Variants in DIABLO observed in about 807,000 individuals in gnomAD.
DIABLO encodes diablo homolog, mitochondrial.
A neutral mutation model predicts 31.7 loss-of-function variants in DIABLO; 32 were observed. That is an observed-to-expected ratio of 1.01 (90% CI 0.76 to 1.35). The LOEUF is 1.35. Ranked by LOEUF, DIABLO falls within the 40% of genes most tolerant of loss-of-function variation. The pLI, the probability that DIABLO is intolerant of heterozygous loss-of-function variation, is 0.00. For missense variants in DIABLO, 316 were observed against 286.4 expected (o/e 1.10, Z -0.75); for synonymous variants, 132 against 103.2 (o/e 1.28, Z -1.69).
At position 122,208,400 on chromosome 12, in the gene DIABLO, GCCT is replaced by G. The variant is rs1566019585; in HGVS notation, c.698_700del (p.Glu233del). 6 of 1,612,680 alleles carry G rather than the reference GCCT, an allele frequency of 3.7e-6. No homozygotes were observed. The highest frequency in any genetic ancestry group is 4.5e-5 in the East Asian group (2 of 44,880). On this transcript the variant is annotated inframe_deletion, in exon 6 of 6. Transcript: ENST00000464942. ...AGGCCCTCAATCCTCACGCAGGTAGGCCTCCTGCTCCGACTCAGCCCGCTCCTC... is the reference window on the plus strand; with the variant it reads ...AGGCCCTCAATCCTCACGCAGGTAGGCCTGCTCCGACTCAGCCCGCTCCTC...
intron 1 of DIABLO, 137 bp downstream of exon 1, chr12:122,225,828 G>A: frequency 2.6e-6 from 4 of 1,511,396 alleles, no homozygotes; most frequent in Non-Finnish European, 3.5e-6. Context: ...CTCCCGACCG[G>A]AGCGAGACGC....
chr12:122,226,402 G>A (rs1190078090), upstream of DIABLO: 1 of 671,970 alleles, frequency 1.5e-6, no homozygotes, highest in Non-Finnish European at 2.7e-6. Context: ...CCGGGCGGGA[G>A]GCGGGGCCGG....
In DIABLO at chr12:122,208,406, T is replaced by C. The variant is rs367673893; in HGVS notation, c.695A>G (p.Gln232Arg). The change falls in exon 6 of 6, where the codon CAG (glutamine) becomes CGG (arginine). Residue 232 changes from glutamine (Q) to arginine (R), a missense_variant. By Grantham distance (43) the Gln-to-Arg change is conservative. Transcript: ENST00000464942. The part of the protein sequence containing the change: ...EEGEERAESE[Q>R]EAYLRED ...TCAATCCTCACGCAGGTAGGCCTCC[T>C]GCTCCGACTCAGCCCGCTCCTCCCC... 6.2e-7 allele frequency: 1 copy of C among 1,612,942 alleles called. No homozygotes were observed. The highest frequency in any genetic ancestry group is 8.5e-7 in the Non-Finnish European group (1 of 1,180,022).
chr12:122,212,948 T>A (rs1435539199), intron 5 of DIABLO, among the ~76,000 whole-genome samples: 1 of 151,340 alleles, frequency 6.6e-6, no homozygotes, highest in Non-Finnish European at 1.5e-5. Context: ...TAAGACAGGG[T>A]CTTGCTTTGT....
At position 122,218,545 on chromosome 12, in the gene DIABLO, C is replaced by A. The variant is rs1051406579; in HGVS notation, c.184-148G>T. 14 of 1,027,804 alleles carry A rather than the reference C, an allele frequency of 1.4e-5. No homozygotes were observed. In the Middle Eastern group the frequency reaches 6.2e-4, roughly 45 times the overall value. 63.7% of individuals were successfully genotyped at this position (1,027,804 alleles called of 1,614,324 possible). A position where few individuals can be genotyped will look rare whatever the true frequency, so the allele number is the denominator to read the frequency against. ...TTTCTTTGGGTTATATTTTTTAAGG[C>A]CTTATTTTGGCAATTTAAGACAATA... On this transcript the variant is annotated intron_variant, in intron 2 of 5. Coordinates refer to ENST00000464942, the MANE Select transcript of DIABLO (RefSeq NM_001371333.1).
chr12:122,216,650 G>A, intron 4 of DIABLO, 66 bp from the exon 5 acceptor site: 1 of 1,559,610 alleles, frequency 6.4e-7, no homozygotes, highest in Non-Finnish European at 8.8e-7. Context: ...TGGACTTAAA[G>A]TAGTAGATTT....
chr12:122,210,370 C>A (rs1171101305), intron 5 of DIABLO, among the ~76,000 whole-genome samples: 1 of 113,912 alleles, frequency 8.8e-6, no homozygotes, highest in Non-Finnish European at 1.7e-5. Flanking sequence ...ACCATTTCTA[C>A]CTTTTTTTTT....
intron 2 of DIABLO, among the ~76,000 whole-genome samples, chr12:122,223,232 C>G (rs1566028650): frequency 6.6e-6 from 1 of 151,348 alleles, no homozygotes; most frequent in African/African-American, 2.4e-5. Context: ...GTCAGGGGTT[C>G]GTGACCAGCC....
chr12:122,217,935 A>G, intron 3 of DIABLO: 1 of 321,110 alleles, frequency 3.1e-6, no homozygotes, highest in South Asian at 2.9e-5. Flanking sequence ...TATCAGCTTC[A>G]CTCCTGTTTT....
rs776267494 is a variant in DIABLO at position 122,216,438 on chromosome 12, T to C, written c.523+50A>G. The C allele has an allele frequency of 2.6e-5, 38 of 1,478,788 alleles. No homozygotes were observed. In the African/African-American group the frequency reaches 5.0e-4, roughly 20 times the overall value. The allele number at this position is 1,478,788 out of a possible 1,614,324, so 91.6% of individuals were successfully genotyped here. Reference sequence around the variant, plus strand: ...ACCAGATGAAAACTCAAATGGTACCTTCCTAGTTAAAAAATTAAAAAAAAA... The same window carrying C: ...ACCAGATGAAAACTCAAATGGTACCCTCCTAGTTAAAAAATTAAAAAAAAA... On this transcript the variant is annotated intron_variant, in intron 5 of 5. Coordinates refer to ENST00000464942, the MANE Select transcript of DIABLO (RefSeq NM_001371333.1).
intron 3 of DIABLO, 71 bp from the exon 4 acceptor site, chr12:122,216,940 C>T (rs1954228283): frequency 4.4e-6 from 6 of 1,350,656 alleles, no homozygotes; most frequent in African/African-American, 1.4e-5. Context: ...GAGATTTCCA[C>T]CTCAAGGAAA....
Position 122,208,555 on chromosome 12 carries a change from G to A in DIABLO, c.546C>T (p.Thr182=), listed in dbSNP as rs149387774. ...TCACCAGCTGAATGTGATTCCTGGC[G>A]GTTATAGAGGCCTGATCTGCGCCTG... ...YQTGADQASI[T]ARNHIQLVKL... The change falls in exon 6 of 6, where the codon ACC becomes ACT. Residue 182 remains threonine (T), a synonymous_variant. Coordinates refer to ENST00000464942, the MANE Select transcript of DIABLO (RefSeq NM_001371333.1). The A allele has an allele frequency of 9.5e-4, 1,527 of 1,613,534 alleles. 3 individuals are homozygous for A. Among genetic ancestry groups the A allele is most frequent in the Non-Finnish European group, 1.1e-3 (1,245 of 1,180,032 alleles).
chr12:122,209,623 C>T (rs1954032459), intron 5 of DIABLO: 1 of 628,558 alleles, frequency 1.6e-6, no homozygotes. Flanking sequence ...TGAGATCGCG[C>T]CACTTCACTC....
intron 5 of DIABLO, chr12:122,209,884 A>G: frequency 1.4e-6 from 1 of 691,408 alleles, no homozygotes; most frequent in East Asian, 2.7e-5. Flanking sequence ...ATTAAGTAGG[A>G]TTACTTAACC....
intron 5 of DIABLO, among the ~76,000 whole-genome samples, chr12:122,210,792 T>C (rs1164384769): frequency 6.6e-6 from 1 of 152,090 alleles, no homozygotes; most frequent in African/African-American, 2.4e-5. Context: ...CAAAGTTTTA[T>C]ATTTAGTATA....
chr12:122,216,934 T>C (rs1427536824), intron 3 of DIABLO, 65 bp from the exon 4 acceptor site: 17 of 1,393,904 alleles, frequency 1.2e-5, no homozygotes, highest in Non-Finnish European at 1.7e-5. Flanking sequence ...AATAGAGAGA[T>C]TTCCACCTCA....
chr12:122,216,129 ACTCAT>A (rs1405484428), intron 5 of DIABLO, among the ~76,000 whole-genome samples: 4 of 152,270 alleles, frequency 2.6e-5, no homozygotes, highest in Admixed American at 2.0e-4. Context: ...CACATAGATT[ACTCAT>A]CTCAAGTCTC....
intron 3 of DIABLO, 70 bp from the exon 4 acceptor site, chr12:122,216,939 A>T: frequency 7.4e-7 from 1 of 1,350,012 alleles, no homozygotes; most frequent in Non-Finnish European, 1.1e-6. Context: ...AGAGATTTCC[A>T]CCTCAAGGAA....
At position 122,208,708 on chromosome 12, in the gene DIABLO, TTCTC is replaced by T. The variant is rs760933363; in HGVS notation, c.524-135_524-132del. ...GGTCACTTTCCTTGACCTCCCTGTC[TTCTC>T]TCTCTGCAAAGAAACTTCCACCTCT... On this transcript the variant is annotated intron_variant, in intron 5 of 5. Transcript: ENST00000464942. 4 of 866,720 alleles carry T rather than the reference TTCTC, an allele frequency of 4.6e-6. No homozygotes were observed. The African/African-American group carries it at 5.0e-5, about 11-fold the overall frequency. The allele number at this position is 866,720 out of a possible 1,614,324, so 53.7% of individuals were successfully genotyped here. A position where few individuals can be genotyped will look rare whatever the true frequency, so the allele number is the denominator to read the frequency against.
Sources: gnomAD v4.1 joint callset for allele counts (sites outside exome capture counted in the v4.1 genomes callset) on GRCh38, gnomAD v4.1.1 for gene constraint, MANE v1.5 for transcripts, NCBI Gene and HGNC (gene_info 2026-07-23, HGNC 2026-07-21) for gene names.